The following OOSP4B variants were observed in gnomAD, a reference collection of about 807,000 sequenced individuals.
OOSP4B encodes oocyte secreted protein family member 4B.
chr11:60,018,871 A>G (rs1854653324), intron 1 of OOSP4B, among the ~76,000 whole-genome samples: 1 of 152,170 alleles, frequency 6.6e-6, no homozygotes, highest in South Asian at 2.1e-4. Flanking sequence ...AGTGTACTTT[A>G]GTCACATTAG....
At chr11:60,029,595 G>A in intron 3 of OOSP4B, among the ~76,000 whole-genome samples, 187 bp from the exon 4 acceptor site, 1 of 152,152 alleles carries the variant, frequency 6.6e-6, no homozygotes, top group East Asian at 1.9e-4. Flanking sequence ...GGATCAATAA[G>A]TACCATCCTA....
downstream of OOSP4B, chr11:60,031,093 C>CT (rs976910817): frequency 3.0e-6 from 1 of 336,136 alleles, no homozygotes; most frequent in Non-Finnish European, 5.3e-6. Context: ...TTGCCCATAC[C>CT]CAGTGTGTTC....
chr11:60,023,129 C>T (rs1055696701), intron 1 of OOSP4B, among the ~76,000 whole-genome samples: 26 of 152,106 alleles, frequency 1.7e-4, no homozygotes, highest in Middle Eastern at 3.2e-3. Flanking sequence ...ATAATGACTA[C>T]GTTCACTCTA....
At chr11:60,025,432 A>G (rs777936020) in intron 3 of OOSP4B, among the ~76,000 whole-genome samples, 2 of 152,248 alleles carry the variant, frequency 1.3e-5, no homozygotes, top group Non-Finnish European at 2.9e-5. Flanking sequence ...GACATGAGTA[A>G]GACTGATTGC....
At chr11:60,017,553 T>A (rs1854640107) in intron 1 of OOSP4B, 140 bp downstream of exon 1, 1 of 396,432 alleles carries the variant, frequency 2.5e-6, no homozygotes, top group African/African-American at 2.1e-5. Context: ...AGCTGAGATT[T>A]TTTTTTTTCC....
intron 1 of OOSP4B, among the ~76,000 whole-genome samples, chr11:60,020,244 A>G (rs642730): frequency 0.33 from 50,644 of 152,154 alleles, 9,019 homozygotes; most frequent in East Asian, 0.52. Context: ...TGCCAGTCCC[A>G]TGCAGTGTGC....
At chr11:60,024,375 G>A (rs1565049243) in intron 2 of OOSP4B, among the ~76,000 whole-genome samples, 1 of 152,134 alleles carries the variant, frequency 6.6e-6, no homozygotes, top group Non-Finnish European at 1.5e-5. Flanking sequence ...CCCAGTCTCT[G>A]CTAAAAATAC....
intron 1 of OOSP4B, among the ~76,000 whole-genome samples, chr11:60,020,103 A>G (rs1854673215): frequency 1.3e-5 from 2 of 152,240 alleles, no homozygotes; most frequent in Admixed American, 1.3e-4. Flanking sequence ...CTTGAGCTAG[A>G]TACAGAGTGC....
At chr11:60,028,176 CT>C in intron 3 of OOSP4B, among the ~76,000 whole-genome samples, 1 of 145,732 alleles carries the variant, frequency 6.9e-6, no homozygotes, top group East Asian at 2.0e-4. Context: ...TTTTTTTTTT[CT>C]TTTTTTGAGA....
At chr11:60,017,635 T>C (rs1299240325) in intron 1 of OOSP4B, among the ~76,000 whole-genome samples, 1 of 152,154 alleles carries the variant, frequency 6.6e-6, no homozygotes, top group East Asian at 1.9e-4. Flanking sequence ...CTCTTTCTGG[T>C]CACATAAACT....
chr11:60,030,875 A>G (rs1144744), exon 5 of OOSP4B: 48,512 of 398,026 alleles, frequency 0.12, 3,329 homozygotes, highest in South Asian at 0.26. Flanking sequence ...AAGCAAGGGA[A>G]CAAGTGATAC....
At chr11:60,020,028 G>A (rs1409788420) in intron 1 of OOSP4B, among the ~76,000 whole-genome samples, 1 of 152,188 alleles carries the variant, frequency 6.6e-6, no homozygotes, top group Non-Finnish European at 1.5e-5. Context: ...TAGATACAGA[G>A]TGTGGACTGG....
intron 3 of OOSP4B, among the ~76,000 whole-genome samples, chr11:60,028,236 G>T (rs537332771): frequency 3.8e-4 from 57 of 151,574 alleles, no homozygotes; most frequent in African/African-American, 1.3e-3. Context: ...TGCGATCTCA[G>T]CTCACTTCAA....
At chr11:60,024,567 T>C (rs548657080) in intron 2 of OOSP4B, among the ~76,000 whole-genome samples, 1 of 152,286 alleles carries the variant, frequency 6.6e-6, no homozygotes, top group East Asian at 1.9e-4. Context: ...CTGTGCCTTC[T>C]CAGTTTTACT....
chr11:60,024,148 A>G lies in OOSP4B; in HGVS notation c.204+87A>G, dbSNP rs1590593441. 6 of 397,486 alleles carry G rather than the reference A, an allele frequency of 1.5e-5. No individual in the cohort carries two copies. In the East Asian group the frequency reaches 2.1e-4, roughly 14 times the overall value. 24.6% of individuals were successfully genotyped at this position (397,486 alleles called of 1,614,324 possible). ...TATCAAAAGTTCCTTCCTAATTAAA[A>G]TTTTCAAGCATCTTCCTATCTCTTG... On this transcript the variant is annotated intron_variant, in intron 2 of 4. Coordinates refer to ENST00000642343, the Ensembl canonical transcript of OOSP4B.
In OOSP4B at chr11:60,019,118, G is replaced by A. The variant is rs184820969; in HGVS notation, c.22+1705G>A. ...CGTGCCTGTAATCCCGACTACTCAG[G>A]AGGCTGAGGCAGGAGAATCACTTGA... On this transcript the variant is annotated intron_variant, in intron 1 of 4. Coordinates refer to ENST00000642343, the Ensembl canonical transcript of OOSP4B. Among the ~76,000 whole-genome samples the A allele has an allele frequency of 1.8e-3, 281 of 152,238 alleles. 1 individual carries two copies. The highest frequency in any genetic ancestry group is 6.6e-3 in the African/African-American group (274 of 41,544).
intron 1 of OOSP4B, among the ~76,000 whole-genome samples, chr11:60,020,728 C>G (rs1357640251): frequency 6.6e-6 from 1 of 152,240 alleles, no homozygotes; most frequent in Non-Finnish European, 1.5e-5. Context: ...GCCGAGGAGG[C>G]GTGGAGAGCG....
intron 3 of OOSP4B, among the ~76,000 whole-genome samples, chr11:60,027,916 G>A (rs958069882): frequency 1.3e-5 from 2 of 151,448 alleles, no homozygotes; most frequent in Non-Finnish European, 2.9e-5. Flanking sequence ...CTCCAGCCTG[G>A]GTGACAGAGT....
intron 3 of OOSP4B, among the ~76,000 whole-genome samples, chr11:60,025,209 A>C (rs1854735882): frequency 6.6e-6 from 1 of 152,196 alleles, no homozygotes; most frequent in Non-Finnish European, 1.5e-5. Context: ...ATTTTGCTAA[A>C]CTTTGTTACA....
Sources: gnomAD v4.1 joint callset for allele counts (sites outside exome capture counted in the v4.1 genomes callset) on GRCh38, gnomAD v4.1.1 for gene constraint, MANE v1.5 for transcripts, NCBI Gene and HGNC (gene_info 2026-07-23, HGNC 2026-07-21) for gene names.